CDH18: variants seen among roughly 807,000 people sequenced by gnomAD.
The protein encoded by CDH18 is cadherin-18.
Under a neutral mutation model 67.9 loss-of-function variants are expected in CDH18, and 31 were observed. The observed-to-expected ratio is 0.46, with a 90% confidence interval of 0.34 to 0.62. The LOEUF (loss-of-function observed/expected upper bound fraction) is 0.62, where lower values mean the gene tolerates loss of function less well. Among genes scored for constraint, CDH18 ranks in the 20% least tolerant of loss-of-function variants. The probability of loss-of-function intolerance (pLI) is 0.01; values close to 1 mark genes in which losing one functional copy is unlikely to be tolerated. For missense variants in CDH18, 890 were observed against 975.5 expected, an observed-to-expected ratio of 0.91 and a Z score of 1.17; for synonymous variants, 362 against 347.2, an observed-to-expected ratio of 1.04 and a Z score of -0.48.
intron 1 of CDH18, among the ~76,000 whole-genome samples, chr5:20,349,782 T>G (rs1465183632): frequency 6.6e-6 from 1 of 152,132 alleles, no homozygotes; most frequent in African/African-American, 2.4e-5. Flanking sequence ...GAAGAAATCA[T>G]ATTACATAAC....
chr5:20,203,363 T>C (rs1739600115), intron 2 of CDH18, among the ~76,000 whole-genome samples: 1 of 152,174 alleles, frequency 6.6e-6, no homozygotes, highest in Admixed American at 6.5e-5. Context: ...CAACAAATCA[T>C]GGCAGTTGTT....
Position 19,612,503 on chromosome 5 carries a change from G to A in CDH18, c.742C>T (p.Leu248Phe), listed in dbSNP as rs1236572831. Residue 248 changes from leucine to phenylalanine, a missense_variant, in exon 6 of 13, where the codon CTT becomes TTT. Transcript: ENST00000382275. ...ATGTTGACTGTTGTAGATCCTGAAA[G>A]CCCTCCAACTTGCCCAGCCATGTCT... ...AKDMAGQVGG[L>F]SGSTTVNITL... 1.2e-6 allele frequency: 2 copies of A among 1,613,926 alleles called. No individual in the cohort carries two copies. The highest frequency in any genetic ancestry group is 1.7e-6 in the Non-Finnish European group (2 of 1,179,994).
chr5:19,935,319 T>C (rs563437203), intron 2 of CDH18, among the ~76,000 whole-genome samples: 14 of 151,474 alleles, frequency 9.2e-5, no homozygotes, highest in African/African-American at 2.9e-4. Flanking sequence ...TTAAGTAAGC[T>C]AGGCGATTTC....
chr5:20,115,270 CTTTTTTTTTTTTTT>C (rs753438800), intron 2 of CDH18, among the ~76,000 whole-genome samples: 1 of 58,138 alleles, frequency 1.7e-5, no homozygotes, highest in Non-Finnish European at 2.8e-5. Flanking sequence ...AGGGCCTCAT[CTTTTTTTTTTTTTT>C]TTTTTTTTTT....
chr5:19,635,169 C>A (rs556496572), intron 5 of CDH18, among the ~76,000 whole-genome samples: 3 of 152,110 alleles, frequency 2.0e-5, no homozygotes, highest in Non-Finnish European at 4.4e-5. Flanking sequence ...TAGTGATTTT[C>A]CTCTGTCTAT....
intron 1 of CDH18, among the ~76,000 whole-genome samples, chr5:20,518,816 AT>A: frequency 6.6e-6 from 1 of 152,152 alleles, no homozygotes; most frequent in Non-Finnish European, 1.5e-5. Flanking sequence ...TGTTTCTGCT[AT>A]TTGTTAACAC....
intron 3 of CDH18, among the ~76,000 whole-genome samples, chr5:19,759,495 A>C (rs1772059203): frequency 6.6e-6 from 1 of 152,168 alleles, no homozygotes; most frequent in Non-Finnish European, 1.5e-5. Context: ...CCAATTATGC[A>C]TTCTGGCACT....
At chr5:19,647,425 G>A (rs1243736899) in intron 5 of CDH18, among the ~76,000 whole-genome samples, 1 of 148,598 alleles carries the variant, frequency 6.7e-6, no homozygotes, top group Non-Finnish European at 1.5e-5. Flanking sequence ...AGCTACTCAG[G>A]AGGCTGAGGC....
intron 5 of CDH18, among the ~76,000 whole-genome samples, chr5:19,620,298 G>T (rs35504416): frequency 0.012 from 1,830 of 152,280 alleles, 18 homozygotes; most frequent in Admixed American, 0.018. Flanking sequence ...GGGTATATAC[G>T]TCGTGTATTT....
At chr5:20,133,508 G>T (rs1749444057) in intron 2 of CDH18, among the ~76,000 whole-genome samples, 1 of 152,134 alleles carries the variant, frequency 6.6e-6, no homozygotes, top group East Asian at 1.9e-4. Context: ...GATGAGATTT[G>T]TCTGGGGACA....
At chr5:20,455,040 C>T (rs183555633) in intron 1 of CDH18, among the ~76,000 whole-genome samples, 15 of 150,244 alleles carry the variant, frequency 1.0e-4, no homozygotes, top group East Asian at 9.9e-4. Context: ...TCTCCTAATG[C>T]GAGCCAATGC....
At chr5:19,793,228 TA>T (rs554309490) in intron 3 of CDH18, among the ~76,000 whole-genome samples, 51 of 152,342 alleles carry the variant, frequency 3.3e-4, no homozygotes, top group African/African-American at 1.2e-3. Flanking sequence ...TCAGGGCTGT[TA>T]TTTTTTTGGT....
intron 11 of CDH18, among the ~76,000 whole-genome samples, chr5:19,495,645 G>C (rs1331722133): frequency 1.3e-5 from 2 of 148,914 alleles, no homozygotes; most frequent in Non-Finnish European, 3.0e-5. Context: ...CTTGAACCCA[G>C]GAGGCTGAGG....
Position 20,121,310 on chromosome 5 carries a change from G to C in CDH18, c.-517-129296C>G, listed in dbSNP as rs117741205. On this transcript the variant is annotated intron_variant, in intron 2 of 14. Transcript: ENST00000507958. Reference sequence around the variant, plus strand: ...TCTAAAGAATTTCCAAGTCATTGAGGCTACAGGAAGGATTAAAGAAAATGA... The same window carrying C: ...TCTAAAGAATTTCCAAGTCATTGAGCCTACAGGAAGGATTAAAGAAAATGA... Among the ~76,000 whole-genome samples the C allele has an allele frequency of 5.2e-4, 79 of 152,234 alleles. No individual in the cohort carries two copies. In the East Asian group the frequency reaches 0.015, roughly 29 times the overall value.
At chr5:20,406,072 C>A (rs1746222594) in intron 1 of CDH18, among the ~76,000 whole-genome samples, 1 of 152,128 alleles carries the variant, frequency 6.6e-6, no homozygotes, top group Non-Finnish European at 1.5e-5. Context: ...ACCCAGCCAT[C>A]CCATTACTGG....
intron 2 of CDH18, among the ~76,000 whole-genome samples, chr5:19,933,794 G>T (rs1323360522): frequency 1.3e-5 from 2 of 151,216 alleles, no homozygotes; most frequent in African/African-American, 2.4e-5. Context: ...TGCCTCCCTT[G>T]ATCCTTAAAA....
chr5:19,922,277 T>C (rs1434344511), intron 2 of CDH18, among the ~76,000 whole-genome samples: 1 of 152,206 alleles, frequency 6.6e-6, no homozygotes, highest in South Asian at 2.1e-4. Flanking sequence ...GTTTCTGCTT[T>C]AGCTAGGTGA....
chr5:19,958,379 CA>C lies in CDH18; in HGVS notation c.-257+22680del, dbSNP rs57913629. On this transcript the variant is annotated intron_variant, in intron 2 of 12. Coordinates refer to ENST00000382275, the MANE Select transcript of CDH18 (RefSeq NM_004934.5). Reference sequence around the variant, plus strand: ...CTCAATAGGATGATCTTTCCTTCACCAAAAAAAAAAAAAAAAAAAAAGGAGA... The same window carrying C: ...CTCAATAGGATGATCTTTCCTTCACCAAAAAAAAAAAAAAAAAAAAGGAGA... Among the ~76,000 whole-genome samples the C allele has an allele frequency of 4.8e-3, 321 of 66,624 alleles. 1 individual carries two copies. The highest frequency in any genetic ancestry group is 0.015 in the East Asian group (32 of 2,084). 43.7% of individuals were successfully genotyped at this position (66,624 alleles called of 152,430 possible). A position where few individuals can be genotyped will look rare whatever the true frequency, so the allele number is the denominator to read the frequency against.
intron 3 of CDH18, among the ~76,000 whole-genome samples, chr5:19,794,841 A>G (rs939297169): frequency 3.9e-5 from 6 of 152,096 alleles, no homozygotes; most frequent in African/African-American, 1.2e-4. Flanking sequence ...ATTTTTCCCT[A>G]TTCCTTCCTG....
Sources: allele counts gnomAD v4.1 joint callset (sites outside exome capture counted in the v4.1 genomes callset), GRCh38; gene constraint gnomAD v4.1.1; transcripts MANE v1.5; gene names NCBI Gene and HGNC (gene_info 2026-07-23, HGNC 2026-07-21).